Variants in UNC80 observed in about 807,000 individuals in gnomAD.
The protein encoded by UNC80 is unc-80 subunit of NALCN channel complex.
In UNC80, 164 loss-of-function variants were observed where a neutral mutation model predicts 384.6. The ratio of observed to expected loss-of-function variants is 0.43; its 90% confidence interval spans 0.38 to 0.49. The LOEUF (loss-of-function observed/expected upper bound fraction) is 0.49, where lower values mean the gene tolerates loss of function less well. Among genes scored for constraint, UNC80 ranks in the 20% least tolerant of loss-of-function variants. UNC80 has a pLI of 0.00. For synonymous variants in UNC80, 1,486 were observed against 1,527.8 expected (o/e 0.97, Z 0.64); for missense variants, 3,330 against 4,143.0 (o/e 0.80, Z 5.39).
chr2:209,957,213 T>C (rs906637555), intron 48 of UNC80, among the ~76,000 whole-genome samples: 3 of 152,170 alleles, frequency 2.0e-5, no homozygotes, highest in Admixed American at 2.0e-4. Context: ...TCAGAAAAAA[T>C]AGAGTAGTTG....
rs1406189795 is a variant in UNC80, at chr2:209,989,931, A to AT, written c.9315-2230dup. The stretch of plus-strand genomic sequence containing the variant: ...CAAATATAAACATGTTAGCAATCAC[A>AT]TTTTTAGAGCGAGTATAATTTATAA... On this transcript the variant is annotated intron_variant, in intron 61 of 64. Coordinates refer to ENST00000673920, the MANE Select transcript of UNC80 (RefSeq NM_001371986.1). Among the ~76,000 whole-genome samples, 5 of 152,304 alleles carry AT rather than the reference A, an allele frequency of 3.3e-5. No homozygotes were observed. In the South Asian group the frequency reaches 1.0e-3, roughly 32 times the overall value.
intron 16 of UNC80, among the ~76,000 whole-genome samples, chr2:209,832,685 A>G (rs778861205): frequency 2.0e-5 from 3 of 152,232 alleles, no homozygotes; most frequent in Non-Finnish European, 4.4e-5. Context: ...ATCCATGCAT[A>G]CAATTTGGTC....
At chr2:209,846,777 G>A (rs1239952525) in intron 21 of UNC80, among the ~76,000 whole-genome samples, 2 of 152,016 alleles carry the variant, frequency 1.3e-5, no homozygotes, top group Non-Finnish European at 2.9e-5. Context: ...ACATCCTAGT[G>A]TATTGCTATA....
intron 7 of UNC80, 123 bp from the exon 8 acceptor site, chr2:209,813,457 T>C: frequency 9.5e-7 from 1 of 1,048,252 alleles, no homozygotes; most frequent in South Asian, 1.8e-5. Context: ...TAGAGTAAAC[T>C]ACGTAAGAAA....
At chr2:209,782,575 A>G (rs2077210431) in intron 4 of UNC80, among the ~76,000 whole-genome samples, 1 of 152,034 alleles carries the variant, frequency 6.6e-6, no homozygotes. Flanking sequence ...AGGAATTATC[A>G]TTGTACCCGT....
intron 51 of UNC80, among the ~76,000 whole-genome samples, chr2:209,963,502 G>A (rs1218654125): frequency 2.0e-5 from 3 of 152,126 alleles, no homozygotes; most frequent in East Asian, 1.9e-4. Flanking sequence ...TCAGCTCTAC[G>A]TAGTCTTTGG....
intron 39 of UNC80, 70 bp from the exon 40 acceptor site, chr2:209,935,644 A>G: frequency 2.8e-6 from 2 of 711,676 alleles, no homozygotes; most frequent in Non-Finnish European, 4.3e-6. Context: ...TAATATTTTA[A>G]TATTTTATGC....
At position 209,976,138 on chromosome 2, in the gene UNC80, C is replaced by G. The variant is rs1303757284; in HGVS notation, c.8607C>G (p.Val2869=). ...AAYLALKVIL[V]CFERQLGSQW... ...GTGAAGCGCTGAAGGTGATTCTCGT[C>G]TGCTTTGAGAGGCAGCTCGGAAGCC... Residue 2869 remains valine (V), a synonymous_variant, in exon 57 of 65, where the codon GTC becomes GTG. Coordinates refer to ENST00000673920, the MANE Select transcript of UNC80 (RefSeq NM_001371986.1). The surrounding 1 kb of genome is among the most constrained non-coding windows in gnomAD (Gnocchi z 4.3). 1 of 1,551,368 alleles carries G rather than the reference C, an allele frequency of 6.4e-7. No individual in the cohort carries two copies. The highest frequency in any genetic ancestry group is 8.7e-7 in the Non-Finnish European group (1 of 1,146,872).
chr2:209,914,005 A>G, intron 31 of UNC80, 65 bp downstream of exon 31: 4 of 1,471,828 alleles, frequency 2.7e-6, no homozygotes, highest in Non-Finnish European at 3.6e-6. Flanking sequence ...AAGTGTTTAA[A>G]TAAGAGAGGT....
At chr2:209,788,926 A>G (rs1035426038) in intron 5 of UNC80, among the ~76,000 whole-genome samples, 2 of 152,152 alleles carry the variant, frequency 1.3e-5, no homozygotes, top group Non-Finnish European at 2.9e-5. Context: ...TGCTCTATAT[A>G]GGTGTATAAT....
chr2:209,883,597 A>C (rs957399404), intron 25 of UNC80, among the ~76,000 whole-genome samples: 3 of 151,262 alleles, frequency 2.0e-5, no homozygotes, highest in Non-Finnish European at 4.4e-5. Context: ...TGCCCAGCTA[A>C]TTTTTTTTAT....
intron 22 of UNC80, among the ~76,000 whole-genome samples, chr2:209,855,066 C>A (rs550707294): frequency 9.2e-5 from 14 of 152,250 alleles, no homozygotes; most frequent in Admixed American, 2.6e-4. Flanking sequence ...CAATAATAGA[C>A]CGGATAAAGA....
chr2:209,933,361 A>G (rs2091024025), intron 38 of UNC80, among the ~76,000 whole-genome samples: 2 of 152,074 alleles, frequency 1.3e-5, no homozygotes, highest in African/African-American at 4.8e-5. Flanking sequence ...TAACAAACCT[A>G]CACGTGTACC....
intron 56 of UNC80, 71 bp downstream of exon 56, chr2:209,973,341 G>T: frequency 7.8e-7 from 1 of 1,276,092 alleles, no homozygotes; most frequent in Admixed American, 2.7e-5. Context: ...TATATGTGTA[G>T]ATAGATAGAT....
intron 36 of UNC80, among the ~76,000 whole-genome samples, chr2:209,928,088 C>T (rs1171784167): frequency 2.0e-5 from 3 of 152,148 alleles, no homozygotes; most frequent in African/African-American, 7.2e-5. Context: ...GTAATCCCAG[C>T]ACTTTGGAAG....
intron 20 of UNC80, 114 bp downstream of exon 20, chr2:209,840,762 C>T: frequency 1.2e-6 from 1 of 807,674 alleles, no homozygotes; most frequent in South Asian, 1.9e-5. Context: ...TGAAGAAACT[C>T]TCCAGATGAG....
chr2:209,974,182 T>G (rs550975440), intron 56 of UNC80, among the ~76,000 whole-genome samples: 1 of 152,264 alleles, frequency 6.6e-6, no homozygotes, highest in Admixed American at 6.5e-5. Context: ...AACACACTGA[T>G]GAAAATGAGT....
intron 48 of UNC80, 28 bp from the exon 49 acceptor site, chr2:209,957,616 G>T: frequency 5.3e-6 from 8 of 1,514,536 alleles, no homozygotes; most frequent in African/African-American, 1.4e-5. Flanking sequence ...TTGTTGTTTT[G>T]CTGTGGTGAT....
chr2:209,846,053 T>C (rs951227592), intron 21 of UNC80, among the ~76,000 whole-genome samples: 3 of 152,010 alleles, frequency 2.0e-5, no homozygotes, highest in African/African-American at 7.2e-5. Context: ...GTATAAATGA[T>C]TCGTACCCAA....
Sources: gnomAD v4.1 joint callset for allele counts (sites outside exome capture counted in the v4.1 genomes callset) on GRCh38, gnomAD v4.1.1 for gene constraint, Gnocchi (gnomAD v3.1) non-coding constraint, MANE v1.5 for transcripts, NCBI Gene and HGNC (gene_info 2026-07-23, HGNC 2026-07-21) for gene names.